TIA1: variants seen among roughly 807,000 people sequenced by gnomAD.
TIA1 encodes the protein cytotoxic granule associated RNA binding protein TIA1.
A neutral mutation model predicts 65.9 loss-of-function variants in TIA1; 23 were observed. The observed-to-expected ratio is 0.35, with a 90% CI of 0.25 to 0.49. The LOEUF (loss-of-function observed/expected upper bound fraction) is 0.49, where lower values mean the gene tolerates loss of function less well. Among genes scored for constraint, TIA1 ranks in the 20% least tolerant of loss-of-function variants. The pLI is 0.98. For missense variants in TIA1, 371 were observed against 477.9 expected (o/e 0.78, Z 2.09); for synonymous variants, 147 against 149.4 (o/e 0.98, Z 0.12).
At chr2:70,225,296 TAA>T (rs1683331484) in intron 6 of TIA1, 4 of 1,252,736 alleles carry the variant, frequency 3.2e-6, no homozygotes, top group Non-Finnish European at 4.1e-6. Flanking sequence ...AGCAAAATTT[TAA>T]AAAGTCAGAA....
At chr2:70,213,317 A>G (rs1485167987) in intron 12 of TIA1, among the ~76,000 whole-genome samples, 7 of 151,938 alleles carry the variant, frequency 4.6e-5, no homozygotes, top group Non-Finnish European at 8.8e-5. Flanking sequence ...ATAAAAATTC[A>G]TAACATTACA....
chr2:70,215,591 CAG>C (rs1678229935), intron 10 of TIA1, 97 bp from the exon 11 acceptor site: 29 of 1,120,976 alleles, frequency 2.6e-5, no homozygotes, highest in Non-Finnish European at 3.4e-5. Context: ...TGAGGTAAAA[CAG>C]TTTGCGTAAC....
In TIA1 at chr2:70,248,256, G is replaced by C. The variant is rs568965567; in HGVS notation, c.26+149C>G. The C allele has an allele frequency of 5.6e-5, 48 of 859,528 alleles. No individual in the cohort carries two copies. The African/African-American group carries it at 7.2e-4, about 13-fold the overall frequency. The allele number at this position is 859,528 out of a possible 1,614,324, so 53.2% of individuals were successfully genotyped here. A position where few individuals can be genotyped will look rare whatever the true frequency, so the allele number is the denominator to read the frequency against. ...CCTCGTCCTCACAGATTGGGTCTTG[G>C]TTGTAAGCATCCAGGTGCATGCTAA... is the stretch of plus-strand genomic sequence containing the variant. On this transcript the variant is annotated intron_variant, in intron 1 of 12. Coordinates refer to ENST00000433529, the MANE Select transcript of TIA1 (RefSeq NM_022173.4).
intron 1 of TIA1, among the ~76,000 whole-genome samples, chr2:70,238,136 G>C (rs1360113702): frequency 9.3e-5 from 14 of 151,318 alleles, no homozygotes; most frequent in Non-Finnish European, 1.5e-5. Context: ...ACTCCAGCTT[G>C]GGCAACAGAG....
intron 1 of TIA1, among the ~76,000 whole-genome samples, chr2:70,243,017 G>C (rs1692608811): frequency 6.6e-6 from 1 of 152,168 alleles, no homozygotes; most frequent in Non-Finnish European, 1.5e-5. Flanking sequence ...ATCTGTTAAA[G>C]AGTTAAATGT....
intron 1 of TIA1, among the ~76,000 whole-genome samples, chr2:70,243,305 T>C (rs59753874): frequency 0.072 from 11,032 of 152,178 alleles, 437 homozygotes; most frequent in East Asian, 0.18. Context: ...CACATGCCTA[T>C]AGTCCCAGCT....
At chr2:70,228,742 T>C (rs1324463273) in intron 5 of TIA1, 8 of 985,270 alleles carry the variant, frequency 8.1e-6, no homozygotes, top group Middle Eastern at 5.2e-4. Context: ...GAGGAGCAAC[T>C]CAAGCATTTG....
chr2:70,214,631 CT>C (rs1677757669), intron 11 of TIA1, 137 bp from the exon 12 acceptor site: 1 of 363,416 alleles, frequency 2.8e-6, no homozygotes, highest in Admixed American at 6.5e-5. Context: ...GAGTTGACTG[CT>C]AAAAAAAAAA....
At chr2:70,225,111 A>G in intron 6 of TIA1, 1 of 1,006,116 alleles carries the variant, frequency 9.9e-7, no homozygotes, top group Admixed American at 5.7e-5. Context: ...ATTTTTTCAG[A>G]TCAATTTATA....
chr2:70,231,210 G>A (rs1258095832), intron 2 of TIA1, among the ~76,000 whole-genome samples: 2 of 152,178 alleles, frequency 1.3e-5, no homozygotes, highest in Non-Finnish European at 2.9e-5. Flanking sequence ...GCTGAGGCAG[G>A]AGAATTGCTT....
intron 12 of TIA1, among the ~76,000 whole-genome samples, chr2:70,214,119 T>A (rs1376500464): frequency 1.3e-5 from 2 of 152,160 alleles, no homozygotes; most frequent in Non-Finnish European, 2.9e-5. Flanking sequence ...ACAACTAGCA[T>A]CAAACTCAGT....
At chr2:70,236,495 G>A (rs947401151) in intron 1 of TIA1, among the ~76,000 whole-genome samples, 3 of 151,444 alleles carry the variant, frequency 2.0e-5, no homozygotes, top group East Asian at 3.9e-4. Flanking sequence ...CACTGCACCC[G>A]GTTTTTTTTT....
At chr2:70,243,393 C>T (rs1479113970) in intron 1 of TIA1, among the ~76,000 whole-genome samples, 3 of 151,902 alleles carry the variant, frequency 2.0e-5, no homozygotes, top group Non-Finnish European at 4.4e-5. Context: ...CACCACTGCG[C>T]CAGAGCCTGG....
chr2:70,227,692 T>C (rs1209143430), intron 6 of TIA1, 43 bp downstream of exon 6: 8 of 1,304,272 alleles, frequency 6.1e-6, no homozygotes, highest in Non-Finnish European at 8.7e-6. Context: ...CTACATATAA[T>C]TGTTTCTAAT....
chr2:70,231,922 G>A (rs944735884), intron 2 of TIA1, among the ~76,000 whole-genome samples: 6 of 152,014 alleles, frequency 3.9e-5, no homozygotes, highest in Middle Eastern at 6.8e-3. Flanking sequence ...TTATCTTCCC[G>A]CCAGGCGCAG....
At chr2:70,213,549 A>G (rs1033639279) in intron 12 of TIA1, among the ~76,000 whole-genome samples, 5 of 151,802 alleles carry the variant, frequency 3.3e-5, no homozygotes, top group Non-Finnish European at 7.4e-5. Flanking sequence ...AGATTTCGCC[A>G]TGTTGCCCAG....
At chr2:70,232,962 T>C (rs1192210242) in intron 2 of TIA1, among the ~76,000 whole-genome samples, 1 of 152,134 alleles carries the variant, frequency 6.6e-6, no homozygotes, top group Non-Finnish European at 1.5e-5. Context: ...TAAATTCAAG[T>C]AGCAGAAAAA....
Position 70,237,822 on chromosome 2 carries a change from C to T in TIA1, c.27-1647G>A, listed in dbSNP as rs1024969152. 5.9e-5 allele frequency among the ~76,000 whole-genome samples: 9 copies of T among 151,568 alleles called. No individual in the cohort carries two copies. The South Asian group carries it at 1.3e-3, about 21-fold the overall frequency. On this transcript the variant is annotated intron_variant, in intron 1 of 12. Coordinates refer to ENST00000433529, the MANE Select transcript of TIA1 (RefSeq NM_022173.4). ...CAGAGGTTGCAACGAGCCCCGATCACGCCACTGCACTCCAGCCTGGGTGAC... is the reference window on the plus strand; with the variant it reads ...CAGAGGTTGCAACGAGCCCCGATCATGCCACTGCACTCCAGCCTGGGTGAC...
intron 6 of TIA1, 152 bp downstream of exon 6, chr2:70,227,583 T>C (rs1684350934): frequency 2.1e-6 from 1 of 470,522 alleles, no homozygotes; most frequent in Non-Finnish European, 3.7e-6. Flanking sequence ...AATCTTTTGC[T>C]GTTAACTTCT....
Sources: gnomAD v4.1 joint callset for allele counts (sites outside exome capture counted in the v4.1 genomes callset) on GRCh38, gnomAD v4.1.1 for gene constraint, MANE v1.5 for transcripts, NCBI Gene and HGNC (gene_info 2026-07-23, HGNC 2026-07-21) for gene names.